The following ATP2A3 variants were observed in gnomAD, a reference collection of about 807,000 sequenced individuals.
The protein encoded by ATP2A3 is sarcoplasmic/endoplasmic reticulum calcium ATPase 3.
A neutral mutation model predicts 106.8 loss-of-function variants in ATP2A3; 61 were observed. That is an observed-to-expected ratio of 0.57 (90% CI 0.46 to 0.71). The LOEUF is 0.71. Ranked by LOEUF, ATP2A3 falls within the 30% of genes least tolerant of loss-of-function variation. ATP2A3 has a pLI of 0.00. For synonymous variants in ATP2A3, 611 were observed against 609.3 expected (o/e 1.00, Z -0.04); for missense variants, 1,201 against 1,423.5 (o/e 0.84, Z 2.52).
chr17:3,935,214 G>A lies in ATP2A3; in HGVS notation c.2588C>T (p.Pro863Leu). The A allele has an allele frequency of 1.2e-6, 2 of 1,614,056 alleles. No individual in the cohort carries two copies. The highest frequency in any genetic ancestry group is 1.7e-6 in the Non-Finnish European group (2 of 1,180,038). The change falls in exon 17 of 21, where the codon CCT (proline) becomes CTT (leucine). Residue 863 changes from proline (P) to leucine (L), a missense_variant. Transcript: ENST00000397041. Reference sequence around the variant, plus strand: ...CACCAGCTGGTAGAAGTTGATGTGAGGTCCCTCGGCGTCATACACAAACCA... The same window carrying A: ...CACCAGCTGGTAGAAGTTGATGTGAAGTCCCTCGGCGTCATACACAAACCA... ...TWWFVYDAEG[P>L]HINFYQLRNF...
chr17:3,950,917 C>T (rs1189120407), intron 5 of ATP2A3, 144 bp from the exon 6 acceptor site: 1 of 871,066 alleles, frequency 1.1e-6, no homozygotes. Context: ...CCCCTCTGGC[C>T]CACAGTCTCA....
At position 3,961,920 on chromosome 17, in the gene ATP2A3, C is replaced by A. The variant is rs183141219; in HGVS notation, c.118+2254G>T. Among the ~76,000 whole-genome samples, 138 of 152,302 alleles carry A rather than the reference C, an allele frequency of 9.1e-4. 6 individuals are homozygous for A. The highest frequency in any genetic ancestry group is 3.2e-3 in the African/African-American group (133 of 41,564). ...GAAGGGGCAGGGCTAGGGTTCAAAG[C>A]CTCATCAGCTCCACCCCAGCAGCTG... On this transcript the variant is annotated intron_variant, in intron 1 of 20. Coordinates refer to ENST00000397041, the MANE Select transcript of ATP2A3 (RefSeq NM_005173.4).
chr17:3,941,928 TC>T (rs2144496664), intron 12 of ATP2A3, among the ~76,000 whole-genome samples: 1 of 152,278 alleles, frequency 6.6e-6, no homozygotes, highest in South Asian at 2.1e-4. Flanking sequence ...CACAGCAGAC[TC>T]GGGCACTGCA....
chr17:3,926,802 C>T lies in ATP2A3; in HGVS notation c.2981-1361G>A. The T allele has an allele frequency of 1.1e-6, 1 of 949,016 alleles. No individual in the cohort carries two copies. Among genetic ancestry groups the T allele is most frequent in the Non-Finnish European group, 1.3e-6 (1 of 796,730 alleles). 58.8% of individuals were successfully genotyped at this position (949,016 alleles called of 1,614,324 possible). ...CCAGGCTGGTCTCTAACTCCTGACT[C>T]AGGTGATCTGCCCACCTCGGCCTCC... is the stretch of plus-strand genomic sequence containing the variant. On this transcript the variant is annotated intron_variant, in intron 20 of 20. Coordinates refer to ENST00000397041, the MANE Select transcript of ATP2A3 (RefSeq NM_005173.4). The surrounding 1 kb of genome is among the most constrained non-coding windows in gnomAD (Gnocchi z 4.6).
Position 3,955,155 on chromosome 17 carries a change from C to T in ATP2A3, c.119-1445G>A, listed in dbSNP as rs1032126638. 1.3e-5 allele frequency among the ~76,000 whole-genome samples: 2 copies of T among 152,242 alleles called. No individual in the cohort carries two copies. The highest frequency in any genetic ancestry group is 2.9e-5 in the Non-Finnish European group (2 of 68,048). Reference sequence around the variant, plus strand: ...ACATCTGTGGCATCTCCCCGAAGCTCGTTAGCCATGCGGAATCTGAGGCCC... The same window carrying T: ...ACATCTGTGGCATCTCCCCGAAGCTTGTTAGCCATGCGGAATCTGAGGCCC... On this transcript the variant is annotated intron_variant, in intron 1 of 20. Coordinates refer to ENST00000397041, the MANE Select transcript of ATP2A3 (RefSeq NM_005173.4). This position sits in a 1 kb window ranked among gnomAD's most constrained non-coding sequence, Gnocchi z 4.2.
rs185220496 is a variant in ATP2A3, at chr17:3,945,825, G to A, written c.1096-677C>T. 3.3e-5 allele frequency among the ~76,000 whole-genome samples: 5 copies of A among 152,258 alleles called. No homozygotes were observed. The East Asian group carries it at 5.8e-4, about 18-fold the overall frequency. ...TTCTCAAGCAAATGGCCAGCCCAGC[G>A]CCCAGTAGATGCATAAGTGTCCCTT... On this transcript the variant is annotated intron_variant, in intron 8 of 20. Coordinates refer to ENST00000397041, the MANE Select transcript of ATP2A3 (RefSeq NM_005173.4).
At chr17:3,963,671 G>C (rs1472773751) in intron 1 of ATP2A3, among the ~76,000 whole-genome samples, 1 of 152,200 alleles carries the variant, frequency 6.6e-6, no homozygotes, top group Non-Finnish European at 1.5e-5. Context: ...GACCTGGGGT[G>C]GGGGTGGGGG....
chr17:3,938,324 C>T (rs762610626), intron 14 of ATP2A3, among the ~76,000 whole-genome samples: 6 of 152,004 alleles, frequency 3.9e-5, no homozygotes, highest in Non-Finnish European at 7.4e-5. Flanking sequence ...ATCTCAGCTA[C>T]ATGGGAGGCT....
intron 14 of ATP2A3, among the ~76,000 whole-genome samples, chr17:3,939,975 C>G (rs1239937736): frequency 6.9e-6 from 1 of 144,948 alleles, no homozygotes; most frequent in Non-Finnish European, 1.5e-5. Flanking sequence ...CGACGAAGGA[C>G]AGAGATGGGG....
chr17:3,951,802 A>G, intron 3 of ATP2A3, 117 bp from the exon 4 acceptor site: 2 of 1,080,144 alleles, frequency 1.9e-6, no homozygotes, highest in Non-Finnish European at 2.7e-6. Flanking sequence ...AGCACTGGGG[A>G]GCTCTTGGCT....
chr17:3,942,459 C>A, intron 12 of ATP2A3, 147 bp downstream of exon 12: 1 of 1,243,590 alleles, frequency 8.0e-7, no homozygotes. Context: ...ACCACCCCTA[C>A]ACCACCGGTT....
In ATP2A3 at chr17:3,925,070, C is replaced by T; in HGVS notation, c.*352G>A. 2.0e-6 allele frequency: 1 copy of T among 496,936 alleles called. No individual in the cohort carries two copies. Among genetic ancestry groups the T allele is most frequent in the East Asian group, 3.8e-5 (1 of 26,566 alleles). 30.8% of individuals were successfully genotyped at this position (496,936 alleles called of 1,614,324 possible). A position where few individuals can be genotyped will look rare whatever the true frequency, so the allele number is the denominator to read the frequency against. The stretch of plus-strand genomic sequence containing the variant: ...AACAAGGGGGAGCAAGCTCCAGCTG[C>T]ACTCGTGATTTGGGGGTGGGGGGGC... On this transcript the variant is annotated 3_prime_UTR_variant, in exon 21 of 21. Transcript: ENST00000397041. The surrounding 1 kb of genome is among the most constrained non-coding windows in gnomAD (Gnocchi z 4.2).
chr17:3,944,942 CGGG>C, intron 9 of ATP2A3, 115 bp downstream of exon 9: 1 of 1,335,450 alleles, frequency 7.5e-7, no homozygotes, highest in Non-Finnish European at 9.9e-7. Context: ...GGCCCCGCCC[CGGG>C]AGAGGCTCCG....
At chr17:3,932,013 C>T (rs180671902) in intron 17 of ATP2A3, among the ~76,000 whole-genome samples, 1 of 152,340 alleles carries the variant, frequency 6.6e-6, no homozygotes, top group East Asian at 1.9e-4. Context: ...AGAAATAAGC[C>T]TGGCTAGATA....
chr17:3,934,882 G>A (rs975775572), intron 17 of ATP2A3: 3 of 373,218 alleles, frequency 8.0e-6, no homozygotes, highest in Non-Finnish European at 1.5e-5. Flanking sequence ...ACCATTTAGG[G>A]GCTCATTCCT....
intron 20 of ATP2A3, chr17:3,927,998 C>G: frequency 6.2e-7 from 1 of 1,614,076 alleles, no homozygotes; most frequent in Admixed American, 1.7e-5. Flanking sequence ...TCCTCCCTCT[C>G]TGAGCAGCTC....
rs1229526062 is a variant in ATP2A3 at position 3,958,809 on chromosome 17, T to TATATATACAC, written c.119-5100_119-5099insGTGTATATAT. 9.3e-4 allele frequency among the ~76,000 whole-genome samples: 130 copies of TATATATACAC among 139,958 alleles called. 3 individuals are homozygous for TATATATACAC. The highest frequency in any genetic ancestry group is 3.8e-3 in the Middle Eastern group (1 of 262). The allele number at this position is 139,958 out of a possible 152,430, so 91.8% of individuals were successfully genotyped here. A position where few individuals can be genotyped will look rare whatever the true frequency, so the allele number is the denominator to read the frequency against. On this transcript the variant is annotated intron_variant, in intron 1 of 20. Coordinates refer to ENST00000397041, the MANE Select transcript of ATP2A3 (RefSeq NM_005173.4). ...ATATATACACATATATATACACACA[T>TATATATACAC]ATATATATACACACATATATATACA...
chr17:3,963,810 T>C (rs997350123), intron 1 of ATP2A3, among the ~76,000 whole-genome samples: 2 of 152,242 alleles, frequency 1.3e-5, no homozygotes, highest in East Asian at 1.9e-4. Flanking sequence ...GTGTCTGCGC[T>C]GCACCTGCAG....
At chr17:3,948,152 C>T (rs531724680) in intron 7 of ATP2A3, among the ~76,000 whole-genome samples, 1 of 152,236 alleles carries the variant, frequency 6.6e-6, no homozygotes, top group South Asian at 2.1e-4. Context: ...AATCAACCAG[C>T]GCAGCACAAG....
Sources: allele counts gnomAD v4.1 joint callset (sites outside exome capture counted in the v4.1 genomes callset), GRCh38; gene constraint gnomAD v4.1.1; non-coding constraint Gnocchi (gnomAD v3.1); transcripts MANE v1.5; gene names NCBI Gene and HGNC (gene_info 2026-07-23, HGNC 2026-07-21).